The following AP3B1 variants were observed in gnomAD, a reference collection of about 807,000 sequenced individuals.
AP3B1 encodes the protein adaptor related protein complex 3 subunit beta 1.
Under a neutral mutation model 132.5 loss-of-function variants are expected in AP3B1, and 61 were observed. That is an observed-to-expected ratio of 0.46 (90% CI 0.37 to 0.57). The LOEUF is 0.57. Among genes scored for constraint, AP3B1 ranks in the 20% least tolerant of loss-of-function variants. The pLI is 0.00. For missense variants in AP3B1, 1,120 were observed against 1,289.4 expected, an observed-to-expected ratio of 0.87 and a Z score of 2.01; for synonymous variants, 388 against 438.3, an observed-to-expected ratio of 0.89 and a Z score of 1.43.
chr5:78,232,938 G>A (rs1746709490), intron 3 of AP3B1, among the ~76,000 whole-genome samples: 2 of 152,126 alleles, frequency 1.3e-5, no homozygotes, highest in Middle Eastern at 3.4e-3. Flanking sequence ...AACTCCTGAC[G>A]TCAAGTGATC....
chr5:78,110,085 G>C (rs916834692), intron 20 of AP3B1, 122 bp downstream of exon 20: 11 of 876,060 alleles, frequency 1.3e-5, no homozygotes, highest in Admixed American at 1.2e-4. Flanking sequence ...GCAGAGTTGG[G>C]TTATAAGGGA....
At chr5:78,022,512 C>G (rs1419994257) in intron 24 of AP3B1, among the ~76,000 whole-genome samples, 1 of 152,110 alleles carries the variant, frequency 6.6e-6, no homozygotes, top group African/African-American at 2.4e-5. Context: ...AGGAATAGTC[C>G]CAGTTTATGG....
At chr5:78,099,860 G>C (rs1751056346) in intron 21 of AP3B1, among the ~76,000 whole-genome samples, 1 of 152,054 alleles carries the variant, frequency 6.6e-6, no homozygotes, top group East Asian at 1.9e-4. Context: ...CTACACTCCA[G>C]CCTGGGCAAC....
At chr5:78,058,824 G>A (rs1157790853) in intron 22 of AP3B1, among the ~76,000 whole-genome samples, 3 of 152,150 alleles carry the variant, frequency 2.0e-5, no homozygotes, top group African/African-American at 4.8e-5. Context: ...CCTGGGTGTG[G>A]TGCCGGGTTC....
At chr5:78,080,373 A>C (rs1250740663) in intron 22 of AP3B1, among the ~76,000 whole-genome samples, 2 of 151,996 alleles carry the variant, frequency 1.3e-5, no homozygotes. Flanking sequence ...ATTCATTTTA[A>C]CAACTGGCAC....
chr5:78,004,657 T>G (rs561152813), intron 26 of AP3B1, among the ~76,000 whole-genome samples: 9 of 152,322 alleles, frequency 5.9e-5, no homozygotes, highest in Non-Finnish European at 1.2e-4. Flanking sequence ...TATAAACACT[T>G]TGAAGTTGTG....
intron 22 of AP3B1, among the ~76,000 whole-genome samples, chr5:78,046,348 CT>C (rs1748328693): frequency 6.6e-6 from 1 of 152,232 alleles, no homozygotes; most frequent in South Asian, 2.1e-4. Flanking sequence ...CAGCACGCCC[CT>C]TATGAGCATC....
intron 1 of AP3B1, among the ~76,000 whole-genome samples, chr5:78,268,172 T>A (rs1217734094): frequency 1.3e-5 from 2 of 152,202 alleles, no homozygotes; most frequent in African/African-American, 4.8e-5. Flanking sequence ...ACACATACTA[T>A]AAATGTTCAC....
chr5:78,036,158 CT>C (rs1223155393), intron 23 of AP3B1, among the ~76,000 whole-genome samples: 1 of 152,098 alleles, frequency 6.6e-6, no homozygotes, highest in Admixed American at 6.6e-5. Flanking sequence ...TGTCTTCAGT[CT>C]TAAGATAATT....
intron 18 of AP3B1, among the ~76,000 whole-genome samples, chr5:78,115,534 T>C (rs1259922539): frequency 6.6e-6 from 1 of 152,214 alleles, no homozygotes; most frequent in East Asian, 1.9e-4. Context: ...TTATCTGATA[T>C]AGAGAAAAGT....
chr5:78,100,585 T>C (rs1368774140), intron 21 of AP3B1, among the ~76,000 whole-genome samples: 4 of 152,186 alleles, frequency 2.6e-5, no homozygotes, highest in Non-Finnish European at 2.9e-5. Context: ...TTATTTACAT[T>C]CCTTAATCCT....
chr5:78,201,558 T>C (rs1745289511), intron 7 of AP3B1, among the ~76,000 whole-genome samples: 1 of 152,222 alleles, frequency 6.6e-6, no homozygotes, highest in Non-Finnish European at 1.5e-5. Flanking sequence ...AAGGAAGATG[T>C]ACCAAAAAGA....
intron 3 of AP3B1, among the ~76,000 whole-genome samples, chr5:78,230,068 A>G (rs1746578638): frequency 6.6e-6 from 1 of 152,190 alleles, no homozygotes; most frequent in Admixed American, 6.5e-5. Context: ...CTAGATAAGA[A>G]CTTGCTCCAG....
intron 16 of AP3B1, among the ~76,000 whole-genome samples, chr5:78,128,771 A>G (rs1469362442): frequency 6.6e-6 from 1 of 152,112 alleles, no homozygotes; most frequent in Non-Finnish European, 1.5e-5. Flanking sequence ...TATTTACTTA[A>G]TAACTCACTA....
intron 17 of AP3B1, among the ~76,000 whole-genome samples, chr5:78,127,154 T>C (rs1391031740): frequency 6.6e-6 from 1 of 152,150 alleles, no homozygotes; most frequent in Non-Finnish European, 1.5e-5. Context: ...TAATAAAGGT[T>C]TTCTTCCACT....
chr5:78,194,055 C>T (rs1347837255), intron 7 of AP3B1, among the ~76,000 whole-genome samples: 1 of 152,014 alleles, frequency 6.6e-6, no homozygotes, highest in Non-Finnish European at 1.5e-5. Flanking sequence ...GCGTGAGCCA[C>T]CACTCCTGGC....
rs112508170 is a variant in AP3B1 at position 78,285,117 on chromosome 5, A to C, written c.128+9335T>G. Among the ~76,000 whole-genome samples, 1,469 of 148,906 alleles carry C rather than the reference A, an allele frequency of 9.9e-3. 12 individuals are homozygous for C. The highest frequency in any genetic ancestry group is 0.028 in the Middle Eastern group (8 of 290). On this transcript the variant is annotated intron_variant, in intron 1 of 26. Transcript: ENST00000255194. ...AAAAAAAATTAGCTGGGCGTGGTGG[A>C]GGGCGCCTGTAGTCCCAGCTACTCG...
chr5:78,135,341 A>C (rs1752867636), intron 15 of AP3B1, among the ~76,000 whole-genome samples: 1 of 152,224 alleles, frequency 6.6e-6, no homozygotes, highest in Non-Finnish European at 1.5e-5. Context: ...ACATATACAT[A>C]AAGTAGAATA....
intron 15 of AP3B1, among the ~76,000 whole-genome samples, chr5:78,134,613 T>A (rs1194034910): frequency 2.6e-5 from 4 of 152,224 alleles, no homozygotes; most frequent in Admixed American, 2.0e-4. Flanking sequence ...CGATCTCAGC[T>A]CACTGCAACC....
Sources: gnomAD v4.1 joint callset for allele counts (sites outside exome capture counted in the v4.1 genomes callset) on GRCh38, gnomAD v4.1.1 for gene constraint, MANE v1.5 for transcripts, NCBI Gene and HGNC (gene_info 2026-07-23, HGNC 2026-07-21) for gene names.